The following PMFBP1 variants were observed in gnomAD, a reference collection of about 807,000 sequenced individuals.
The protein encoded by PMFBP1 is polyamine-modulated factor 1-binding protein 1.
Under a neutral mutation model 137.8 loss-of-function variants are expected in PMFBP1, and 131 were observed. The observed-to-expected ratio is 0.95, with a 90% confidence interval of 0.82 to 1.10. The LOEUF (loss-of-function observed/expected upper bound fraction) is 1.10. Among genes scored for constraint, PMFBP1 ranks in the 50% least tolerant of loss-of-function variants. PMFBP1 has a pLI of 0.00. For missense variants in PMFBP1, 1,199 were observed against 1,175.4 expected, an observed-to-expected ratio of 1.02 and a Z score of -0.29; for synonymous variants, 490 against 450.4, an observed-to-expected ratio of 1.09 and a Z score of -1.11.
At chr16:72,183,006 G>C in the PMFBP1 span, among the ~76,000 whole-genome samples, 1 of 152,044 alleles carries the variant, frequency 6.6e-6, no homozygotes, top group African/African-American at 2.4e-5. Flanking sequence ...GCCCTGCCAG[G>C]TCCCCAGAGG....
At chr16:72,150,008 T>C (rs755837974) in intron 5 of PMFBP1, among the ~76,000 whole-genome samples, 2 of 152,200 alleles carry the variant, frequency 1.3e-5, no homozygotes, top group African/African-American at 2.4e-5. Context: ...TACTTCTATC[T>C]AGAGAGCCTA....
At chr16:72,128,495 C>T (rs1430852595) in intron 14 of PMFBP1, 162 bp downstream of exon 14, 8 of 1,546,912 alleles carry the variant, frequency 5.2e-6, no homozygotes, top group Non-Finnish European at 7.0e-6. Flanking sequence ...GCTCAGCAAC[C>T]AGGTGCCAAT....
the PMFBP1 span, among the ~76,000 whole-genome samples, chr16:72,211,149 A>G: frequency 6.6e-6 from 1 of 152,204 alleles, no homozygotes; most frequent in East Asian, 1.9e-4. Flanking sequence ...CTATGGCAAC[A>G]TAGGGACTTA....
At chr16:72,249,892 G>T in the PMFBP1 span, among the ~76,000 whole-genome samples, 1 of 122,110 alleles carries the variant, frequency 8.2e-6, no homozygotes, top group Non-Finnish European at 1.6e-5. Flanking sequence ...CTGCACTCCA[G>T]CCTGGGTGAC....
At chr16:72,240,243 T>G in the PMFBP1 span, among the ~76,000 whole-genome samples, 1 of 152,236 alleles carries the variant, frequency 6.6e-6, no homozygotes, top group Non-Finnish European at 1.5e-5. Context: ...GCTGGTTTCT[T>G]TCTAGTAACT....
intron 3 of PMFBP1, 107 bp from the exon 4 acceptor site, chr16:72,154,566 A>G (rs1189867428): frequency 1.6e-6 from 2 of 1,252,982 alleles, no homozygotes; most frequent in African/African-American, 1.5e-5. Context: ...CCATCTATCC[A>G]TCTTTTTATC....
chr16:72,144,986 AACAAGG>A (rs1415876773), intron 5 of PMFBP1, among the ~76,000 whole-genome samples: 1 of 152,232 alleles, frequency 6.6e-6, no homozygotes, highest in Non-Finnish European at 1.5e-5. Flanking sequence ...ACAGAAAATT[AACAAGG>A]ACATCCAGGA....
chr16:72,135,365 T>G (rs375996121), intron 9 of PMFBP1, among the ~76,000 whole-genome samples: 23,373 of 106,686 alleles, frequency 0.22, 2,240 homozygotes, highest in South Asian at 0.27. Context: ...GTGTGTTTTT[T>G]TTTTTTTTTT....
chr16:72,216,249 G>A, the PMFBP1 span, among the ~76,000 whole-genome samples: 4 of 152,246 alleles, frequency 2.6e-5, no homozygotes, highest in South Asian at 2.1e-4. Context: ...GCTGCCCTAC[G>A]ACAAGAATCT....
chr16:72,146,525 G>C (rs540368638), intron 5 of PMFBP1, among the ~76,000 whole-genome samples: 17 of 152,260 alleles, frequency 1.1e-4, no homozygotes, highest in African/African-American at 3.9e-4. Flanking sequence ...TCTGGCCAGG[G>C]CAATCACGCA....
At chr16:72,243,810 G>A in the PMFBP1 span, among the ~76,000 whole-genome samples, 1 of 152,162 alleles carries the variant, frequency 6.6e-6, no homozygotes, top group Non-Finnish European at 1.5e-5. Context: ...AGAGATTAAA[G>A]GGGAGGGCAA....
intron 5 of PMFBP1, among the ~76,000 whole-genome samples, chr16:72,148,925 T>G (rs912239895): frequency 1.3e-5 from 2 of 152,218 alleles, no homozygotes; most frequent in Admixed American, 1.3e-4. Context: ...GAACTGATGA[T>G]GACATGGAGG....
At chr16:72,221,728 G>T in the PMFBP1 span, among the ~76,000 whole-genome samples, 3 of 152,174 alleles carry the variant, frequency 2.0e-5, no homozygotes, top group South Asian at 4.1e-4. Context: ...AATATAAACA[G>T]TTACACATCT....
At chr16:72,177,327 C>G (rs1486562903), upstream of PMFBP1, among the ~76,000 whole-genome samples, 2 of 152,198 alleles carry the variant, frequency 1.3e-5, no homozygotes, top group Admixed American at 6.5e-5. Context: ...AGGCAGTGTT[C>G]TGAACATAAA....
chr16:72,245,615 G>A, the PMFBP1 span, among the ~76,000 whole-genome samples: 1 of 152,294 alleles, frequency 6.6e-6, no homozygotes, highest in Admixed American at 6.5e-5. Context: ...GCTGACGATG[G>A]CTAATCTGTT....
chr16:72,249,612 C>T, the PMFBP1 span, among the ~76,000 whole-genome samples: 3 of 151,580 alleles, frequency 2.0e-5, no homozygotes, highest in Non-Finnish European at 4.4e-5. Context: ...TGTCTGAGTT[C>T]GGGGGAAAGA....
chr16:72,209,145 AG>A, the PMFBP1 span, among the ~76,000 whole-genome samples: 2 of 152,194 alleles, frequency 1.3e-5, no homozygotes, highest in Non-Finnish European at 2.9e-5. Flanking sequence ...TCCATCACTT[AG>A]TCTCTTAAAG....
chr16:72,220,894 T>G, the PMFBP1 span, among the ~76,000 whole-genome samples: 3 of 152,162 alleles, frequency 2.0e-5, no homozygotes, highest in African/African-American at 4.8e-5. Flanking sequence ...GAAAGGTCGA[T>G]CAACCTAGCA....
Position 72,154,352 on chromosome 16 carries a change from C to T in PMFBP1, c.273G>A (p.Leu91=), listed in dbSNP as rs2042950857. Reference sequence around the variant, plus strand: ...GAAACTCCAGTTCTTGTTGAAGGACCAGCAATTTTTTCTTCAGTTGCTGGA... The same window carrying T: ...GAAACTCCAGTTCTTGTTGAAGGACTAGCAATTTTTTCTTCAGTTGCTGGA... ...RQLQQLKKKL[L]VLQQELEFHT... Residue 91 remains leucine, a synonymous_variant, in exon 4 of 21, where the codon CTG becomes CTA. Coordinates refer to ENST00000237353, the MANE Select transcript of PMFBP1 (RefSeq NM_031293.3). 1.9e-6 allele frequency: 3 copies of T among 1,614,022 alleles called. No individual in the cohort carries two copies. The highest frequency in any genetic ancestry group is 1.3e-5 in the African/African-American group (1 of 74,908).
Sources: gnomAD v4.1 joint callset for allele counts (sites outside exome capture counted in the v4.1 genomes callset) on GRCh38, gnomAD v4.1.1 for gene constraint, MANE v1.5 for transcripts, NCBI Gene and HGNC (gene_info 2026-07-23, HGNC 2026-07-21) for gene names.